Variants in ANKRD31 observed in about 807,000 individuals in gnomAD.
The protein encoded by ANKRD31 is ankyrin repeat domain-containing protein 31.
In ANKRD31, 147 loss-of-function variants were observed where a neutral mutation model predicts 186.0. The ratio of observed to expected loss-of-function variants is 0.79; its 90% confidence interval spans 0.69 to 0.91. ANKRD31 has a LOEUF of 0.91. Among genes scored for constraint, ANKRD31 ranks in the 40% least tolerant of loss-of-function variants. The pLI is 0.00. For missense variants in ANKRD31, 1,986 were observed against 2,148.8 expected (o/e 0.92, Z 1.50); for synonymous variants, 673 against 736.4 (o/e 0.91, Z 1.39).
intron 21 of ANKRD31, among the ~76,000 whole-genome samples, chr5:75,106,925 G>A (rs1337812121): frequency 1.3e-5 from 2 of 151,718 alleles, no homozygotes; most frequent in Non-Finnish European, 2.9e-5. Context: ...AATATATAAG[G>A]ACATGTTTAG....
chr5:75,117,425 G>A (rs1748389273), intron 18 of ANKRD31, among the ~76,000 whole-genome samples: 1 of 152,160 alleles, frequency 6.6e-6, no homozygotes, highest in South Asian at 2.1e-4. Context: ...ACCTATCCAT[G>A]ATCTAGCCCT....
intron 3 of ANKRD31, among the ~76,000 whole-genome samples, chr5:75,214,293 A>G (rs1471286608): frequency 6.6e-6 from 1 of 152,186 alleles, no homozygotes; most frequent in Non-Finnish European, 1.5e-5. Flanking sequence ...CCCCATTTTC[A>G]TCCTACTTCT....
chr5:75,148,801 T>C (rs548095052), intron 12 of ANKRD31, among the ~76,000 whole-genome samples, 173 bp from the exon 13 acceptor site: 3 of 151,934 alleles, frequency 2.0e-5, no homozygotes, highest in African/African-American at 7.2e-5. Context: ...ATATTAGAAA[T>C]CAAATACTAT....
intron 11 of ANKRD31, among the ~76,000 whole-genome samples, chr5:75,167,114 T>A (rs1381703199): frequency 3.9e-5 from 6 of 152,054 alleles, no homozygotes; most frequent in African/African-American, 1.4e-4. Context: ...CCATCTCTAA[T>A]CTGTCTCTAT....
Position 75,147,382 on chromosome 5 carries a change from C to A in ANKRD31, c.2029G>T (p.Asp677Tyr). 1 of 1,526,568 alleles carries A rather than the reference C, an allele frequency of 6.6e-7. No individual in the cohort carries two copies. The highest frequency in any genetic ancestry group is 8.8e-7 in the Non-Finnish European group (1 of 1,142,566). 94.6% of individuals were successfully genotyped at this position (1,526,568 alleles called of 1,614,324 possible). ...TCTTTTTGGTAATATTCATATACAT[C>A]TTCTTTATTTATAAATAAACTCGCT... The part of the protein sequence containing the change: ...SKASLFINKE[D>Y]VYEYYQKDPK... The change falls in exon 14 of 26, where the codon GAT becomes TAT. Residue 677 changes from aspartate to tyrosine, a missense_variant. Coordinates refer to ENST00000506364, the MANE Select transcript of ANKRD31 (RefSeq NM_001372053.1).
chr5:75,096,377 G>A (rs1436761860), intron 22 of ANKRD31, among the ~76,000 whole-genome samples: 3 of 151,870 alleles, frequency 2.0e-5, no homozygotes, highest in Non-Finnish European at 4.4e-5. Context: ...TTTTTCTTGA[G>A]GATTTGTTTA....
In ANKRD31 at chr5:75,195,759, A is replaced by G; in HGVS notation, c.889T>C (p.Ser297Pro). Residue 297 changes from serine (S) to proline (P), a missense_variant, in exon 7 of 26, where the codon TCA (serine) becomes CCA (proline). Coordinates refer to ENST00000506364, the MANE Select transcript of ANKRD31 (RefSeq NM_001372053.1). ...AELLEALNTL[S>P]EAKVETICHR... ...CAGATGGTTTCCACCTTGGCTTCTG[A>G]CAATGTGTTCAGGGCTTCCAATAAC... 6.5e-7 allele frequency: 1 copy of G among 1,537,504 alleles called. No homozygotes were observed. The highest frequency in any genetic ancestry group is 8.7e-7 in the Non-Finnish European group (1 of 1,146,918).
At chr5:75,118,390 T>C in intron 17 of ANKRD31, 93 bp from the exon 18 acceptor site, 2 of 1,169,420 alleles carry the variant, frequency 1.7e-6, no homozygotes, top group South Asian at 4.6e-5. Flanking sequence ...CATTAAAAGC[T>C]ATCAAAAGAA....
intron 22 of ANKRD31, 103 bp downstream of exon 22, chr5:75,104,125 C>A: frequency 2.9e-6 from 3 of 1,025,016 alleles, no homozygotes; most frequent in Non-Finnish European, 2.7e-6. Flanking sequence ...TCAGCAAAAC[C>A]CCATTTCCCT....
In ANKRD31 at chr5:75,188,580, C is replaced by T. The variant is rs1580520302; in HGVS notation, c.1477G>A (p.Val493Ile). ...NRRNIFGENLVYKAALHDDAD... is the reference protein window; with the variant it reads ...NRRNIFGENLIYKAALHDDAD... ...TCATCGTGTAGAGCAGCCTTATATACTAAGTTCTCTCCAAAAATGTTTCTC... is the reference window on the plus strand; with the variant it reads ...TCATCGTGTAGAGCAGCCTTATATATTAAGTTCTCTCCAAAAATGTTTCTC... The change falls in exon 10 of 26, where the codon GTA becomes ATA. Residue 493 changes from valine (V) to isoleucine (I), a missense_variant. Val to Ile is a conservative substitution (Grantham distance 29). Transcript: ENST00000506364. The T allele has an allele frequency of 2.0e-6, 3 of 1,536,048 alleles. No individual in the cohort carries two copies. The highest frequency in any genetic ancestry group is 2.6e-6 in the Non-Finnish European group (3 of 1,146,164).
chr5:75,210,924 T>TA (rs1554093501), intron 3 of ANKRD31, 59 bp from the exon 4 acceptor site: 8 of 1,140,670 alleles, frequency 7.0e-6, no homozygotes, highest in Non-Finnish European at 8.5e-6. Context: ...TGCAACAAGC[T>TA]AAAAAAATTA....
At chr5:75,098,181 G>A (rs1746493744) in intron 22 of ANKRD31, among the ~76,000 whole-genome samples, 1 of 152,028 alleles carries the variant, frequency 6.6e-6, no homozygotes, top group South Asian at 2.1e-4. Flanking sequence ...TTTTAGTAGA[G>A]ATGGGGTTTC....
Position 75,104,307 on chromosome 5 carries a change from T to C in ANKRD31, c.5252A>G (p.Lys1751Arg). The C allele has an allele frequency of 6.5e-7, 1 of 1,536,648 alleles. No homozygotes were observed. The highest frequency in any genetic ancestry group is 8.7e-7 in the Non-Finnish European group (1 of 1,146,662). ...CAAATCTTTTATCTGAATACATTTCTTTTTAGGAGCTGTACTGTAGTTTAA... is the reference window on the plus strand; with the variant it reads ...CAAATCTTTTATCTGAATACATTTCCTTTTAGGAGCTGTACTGTAGTTTAA... ...KALNYSTAPK[K>R]KCIQIKDLIL... is the part of the protein sequence containing the mutation. Residue 1751 changes from lysine to arginine, a missense_variant, in exon 22 of 26, where the codon AAG becomes AGG. Transcript: ENST00000506364.
chr5:75,174,678 A>G (rs1753632250), intron 10 of ANKRD31, among the ~76,000 whole-genome samples: 1 of 152,254 alleles, frequency 6.6e-6, no homozygotes, highest in East Asian at 1.9e-4. Flanking sequence ...AACCACAAAG[A>G]GATACCATCT....
chr5:75,095,854 G>A (rs750815662), intron 22 of ANKRD31, among the ~76,000 whole-genome samples: 47 of 152,210 alleles, frequency 3.1e-4, no homozygotes, highest in Admixed American at 6.5e-4. Context: ...GACTATCTGT[G>A]GTTTCAGGCT....
At chr5:75,106,461 T>C (rs571767654) in intron 21 of ANKRD31, among the ~76,000 whole-genome samples, 62 of 152,226 alleles carry the variant, frequency 4.1e-4, no homozygotes, top group Middle Eastern at 3.4e-3. Flanking sequence ...AGGATTCATA[T>C]TAGCAAACAA....
At chr5:75,073,610 G>C (rs1744407686) in intron 25 of ANKRD31, among the ~76,000 whole-genome samples, 1 of 152,218 alleles carries the variant, frequency 6.6e-6, no homozygotes. Context: ...ATTTCTGGAA[G>C]TGGAGTTTTC....
intron 25 of ANKRD31, among the ~76,000 whole-genome samples, chr5:75,074,578 C>T (rs1744481910): frequency 1.3e-5 from 2 of 152,130 alleles, no homozygotes; most frequent in African/African-American, 4.8e-5. Flanking sequence ...CTAGGATAAT[C>T]CCCAACTGAG....
chr5:75,203,653 G>T, intron 5 of ANKRD31, among the ~76,000 whole-genome samples: 1 of 112,370 alleles, frequency 8.9e-6, no homozygotes, highest in South Asian at 2.9e-4. Flanking sequence ...AAAGAGAGAG[G>T]ATCCATCTCA....
Sources: gnomAD v4.1 joint callset for allele counts (sites outside exome capture counted in the v4.1 genomes callset) on GRCh38, gnomAD v4.1.1 for gene constraint, MANE v1.5 for transcripts, NCBI Gene and HGNC (gene_info 2026-07-23, HGNC 2026-07-21) for gene names.